Variants in SHB observed in about 807,000 individuals in gnomAD.
SHB encodes the protein SH2 domain containing adaptor protein B, also known as SH2 domain-containing adapter protein B.
A neutral mutation model predicts 52.3 loss-of-function variants in SHB; 20 were observed. The ratio of observed to expected loss-of-function variants is 0.38; its 90% CI spans 0.27 to 0.56. The LOEUF (loss-of-function observed/expected upper bound fraction) is 0.56. Among genes scored for constraint, SHB ranks in the 20% least tolerant of loss-of-function variants. The probability of loss-of-function intolerance (pLI) is 0.71; values close to 1 mark genes in which losing one functional copy is unlikely to be tolerated. For missense variants in SHB, 825 were observed against 723.3 expected (o/e 1.14, Z -1.61); for synonymous variants, 397 against 316.5 (o/e 1.25, Z -2.70).
intron 1 of SHB, among the ~76,000 whole-genome samples, chr9:38,037,669 C>T (rs1230555761): frequency 6.6e-6 from 1 of 152,146 alleles, no homozygotes. Context: ...ATCGATTCAG[C>T]CCCCATGTAC....
At chr9:37,937,173 T>C (rs991481346) in intron 5 of SHB, among the ~76,000 whole-genome samples, 1 of 152,120 alleles carries the variant, frequency 6.6e-6, no homozygotes, top group Non-Finnish European at 1.5e-5. Flanking sequence ...GGCTGACATG[T>C]CTTTGTCTCC....
At chr9:37,964,430 C>T (rs954211191) in intron 3 of SHB, among the ~76,000 whole-genome samples, 11 of 152,186 alleles carry the variant, frequency 7.2e-5, no homozygotes, top group African/African-American at 2.7e-4. Flanking sequence ...AATGCTATTA[C>T]TGGGAGCAAA....
At chr9:38,064,083 T>G (rs538822248) in intron 1 of SHB, among the ~76,000 whole-genome samples, 1 of 152,078 alleles carries the variant, frequency 6.6e-6, no homozygotes, top group African/African-American at 2.4e-5. Context: ...ACTGGCCTCT[T>G]TTGTCATCAT....
rs1309299626 is a variant in SHB, at chr9:38,068,008, G to A, written c.638C>T (p.Thr213Met). The change falls in exon 1 of 6, where the codon ACG (threonine) becomes ATG (methionine). Residue 213 changes from threonine to methionine, a missense_variant. Thr to Met is a moderately conservative substitution (Grantham distance 81). Coordinates refer to ENST00000377707, the MANE Select transcript of SHB (RefSeq NM_003028.3). Reference sequence around the variant, plus strand: ...GAGCAGTTTCTTGCCTCCGCAGGCCGTCGGGCTCCAGGTGCGGCCGCCCGC... The same window carrying A: ...GAGCAGTTTCTTGCCTCCGCAGGCCATCGGGCTCCAGGTGCGGCCGCCCGC... The part of the protein sequence containing the change: ...ACAGGRTWSP[T>M]ACGGKKLLNK... 2.0e-6 allele frequency: 3 copies of A among 1,525,544 alleles called. No homozygotes were observed. The highest frequency in any genetic ancestry group is 1.2e-5 in the South Asian group (1 of 82,396). The allele number at this position is 1,525,544 out of a possible 1,614,324, so 94.5% of individuals were successfully genotyped here.
At chr9:37,955,803 T>TA (rs1431857224) in intron 4 of SHB, 80 bp downstream of exon 4, 2 of 1,407,958 alleles carry the variant, frequency 1.4e-6, no homozygotes, top group Non-Finnish European at 2.0e-6. Flanking sequence ...TGTGGATTTT[T>TA]AAAAGAAGAT....
At chr9:38,005,175 G>A (rs753909460) in intron 2 of SHB, among the ~76,000 whole-genome samples, 5 of 152,204 alleles carry the variant, frequency 3.3e-5, no homozygotes, top group Admixed American at 6.5e-5. Flanking sequence ...ATGGGGTGAC[G>A]TGGGCAGTAG....
chr9:37,962,756 C>T (rs1832707456), intron 3 of SHB, among the ~76,000 whole-genome samples: 1 of 152,050 alleles, frequency 6.6e-6, no homozygotes, highest in African/African-American at 2.4e-5. Context: ...AAGTGATCCT[C>T]CTACCTCAGT....
intron 3 of SHB, among the ~76,000 whole-genome samples, chr9:37,959,456 T>A (rs998721237): frequency 3.3e-5 from 5 of 151,924 alleles, no homozygotes; most frequent in African/African-American, 9.7e-5. Context: ...GGAAGTGAGG[T>A]TCTAGGCTTA....
intron 1 of SHB, among the ~76,000 whole-genome samples, chr9:38,033,891 G>T (rs1041192214): frequency 6.6e-6 from 1 of 152,164 alleles, no homozygotes; most frequent in South Asian, 2.1e-4. Context: ...ATTTAAGAAG[G>T]GGGAGGTGGC....
chr9:37,982,827 A>C (rs979042984), intron 2 of SHB, among the ~76,000 whole-genome samples: 1 of 152,212 alleles, frequency 6.6e-6, no homozygotes, highest in Non-Finnish European at 1.5e-5. Context: ...TAAGCATCTA[A>C]TGAAATGATA....
chr9:38,048,179 G>T lies in SHB; in HGVS notation c.717+19750C>A, dbSNP rs192398820. ...AAAAAATTTCCAATAGTAATTAAAT[G>T]ATTTGCATTTGTTTTTAAAAACTGT... On this transcript the variant is annotated intron_variant, in intron 1 of 5. Transcript: ENST00000377707. Among the ~76,000 whole-genome samples, 490 of 152,224 alleles carry T rather than the reference G, an allele frequency of 3.2e-3. 5 individuals carry two copies. The highest frequency in any genetic ancestry group is 4.4e-3 in the Non-Finnish European group (299 of 68,016).
At chr9:37,981,641 C>T (rs1054227791) in intron 2 of SHB, among the ~76,000 whole-genome samples, 12 of 152,172 alleles carry the variant, frequency 7.9e-5, no homozygotes, top group Admixed American at 1.3e-4. Context: ...TGGCAGATCT[C>T]GGTTTTTGAC....
chr9:38,017,141 C>T (rs961272893), intron 1 of SHB, among the ~76,000 whole-genome samples: 4 of 152,246 alleles, frequency 2.6e-5, no homozygotes, highest in African/African-American at 9.6e-5. Context: ...ACCGAATCCA[C>T]GCCCCTCCTG....
intron 2 of SHB, among the ~76,000 whole-genome samples, chr9:37,989,091 T>A (rs548796347): frequency 2.1e-5 from 3 of 141,364 alleles, no homozygotes; most frequent in Non-Finnish European, 4.6e-5. Context: ...ACACACACAC[T>A]CTCTCTCACA....
At chr9:37,983,379 G>A (rs905542830) in intron 2 of SHB, among the ~76,000 whole-genome samples, 1 of 152,206 alleles carries the variant, frequency 6.6e-6, no homozygotes, top group Non-Finnish European at 1.5e-5. Flanking sequence ...GTACCTGGTG[G>A]GAGATGATGC....
At chr9:38,023,461 C>A (rs866182920) in intron 1 of SHB, among the ~76,000 whole-genome samples, 1 of 152,124 alleles carries the variant, frequency 6.6e-6, no homozygotes, top group Non-Finnish European at 1.5e-5. Context: ...AAGGTAAGTG[C>A]GGTGAGGGGC....
At chr9:37,950,256 G>A (rs1284872786) in intron 4 of SHB, among the ~76,000 whole-genome samples, 1 of 151,434 alleles carries the variant, frequency 6.6e-6, no homozygotes, top group East Asian at 1.9e-4. Context: ...TTGTGTGTGT[G>A]TGTTTCCTTT....
At chr9:38,017,724 G>C (rs1384292717) in intron 1 of SHB, among the ~76,000 whole-genome samples, 1 of 152,228 alleles carries the variant, frequency 6.6e-6, no homozygotes, top group Non-Finnish European at 1.5e-5. Context: ...AGTCCCAGTG[G>C]GGACCCAGTA....
rs147813967 is a variant in SHB at position 38,068,333 on chromosome 9, T to C, written c.313A>G (p.Lys105Glu). ...TCCAGGCGGCACATGGCGCGCAGTT[T>C]GCGCAGCGACGAGCCAGGCCCGTTG... ...PYNGPGSSLRKLRAMCRLDYC... is the reference protein window; with the variant it reads ...PYNGPGSSLRELRAMCRLDYC... Residue 105 changes from lysine (K) to glutamate (E), a missense_variant, in exon 1 of 6, where the codon AAA becomes GAA. Physicochemically the swap from Lys to Glu is moderately conservative, Grantham distance 56. Coordinates refer to ENST00000377707, the MANE Select transcript of SHB (RefSeq NM_003028.3). The C allele has an allele frequency of 8.6e-3, 13,196 of 1,542,600 alleles. 54 individuals are homozygous for C. The highest frequency in any genetic ancestry group is 9.7e-3 in the Non-Finnish European group (11,150 of 1,149,814).
Sources: gnomAD v4.1 joint callset for allele counts (sites outside exome capture counted in the v4.1 genomes callset) on GRCh38, gnomAD v4.1.1 for gene constraint, MANE v1.5 for transcripts, NCBI Gene and HGNC (gene_info 2026-07-23, HGNC 2026-07-21) for gene names.